The following PLCH1 variants were observed in gnomAD, a reference collection of about 807,000 sequenced individuals.
PLCH1 encodes the protein 1-phosphatidylinositol 4,5-bisphosphate phosphodiesterase eta-1.
A neutral mutation model predicts 126.7 loss-of-function variants in PLCH1; 60 were observed. The ratio of observed to expected loss-of-function variants is 0.47; its 90% CI spans 0.38 to 0.59. The LOEUF (loss-of-function observed/expected upper bound fraction) is 0.59. PLCH1 is among the 20% of genes least tolerant of loss of function. The pLI, the probability that PLCH1 is intolerant of heterozygous loss-of-function variation, is 0.00. For synonymous variants in PLCH1, 719 were observed against 734.9 expected, an observed-to-expected ratio of 0.98 and a Z score of 0.35; for missense variants, 1,723 against 2,040.0, an observed-to-expected ratio of 0.84 and a Z score of 2.99.
chr3:155,670,788 C>T (rs939841657), intron 2 of PLCH1, among the ~76,000 whole-genome samples: 8 of 152,212 alleles, frequency 5.3e-5, no homozygotes, highest in Non-Finnish European at 7.3e-5. Context: ...AGATCCAGCA[C>T]AAACTCCTCA....
intron 21 of PLCH1, among the ~76,000 whole-genome samples, chr3:155,469,899 G>A (rs1713114949): frequency 6.6e-6 from 1 of 152,062 alleles, no homozygotes; most frequent in African/African-American, 2.4e-5. Context: ...CAAACAGAAA[G>A]GACATCCACA....
At chr3:155,453,864 T>C (rs1712374269) in intron 21 of PLCH1, among the ~76,000 whole-genome samples, 1 of 151,750 alleles carries the variant, frequency 6.6e-6, no homozygotes, top group African/African-American at 2.4e-5. Flanking sequence ...TTTCTGCAAA[T>C]TAAAAATAGA....
chr3:155,568,608 T>C lies in PLCH1; in HGVS notation c.772-284A>G, dbSNP rs1370269253. Reference sequence around the variant, plus strand: ...AAAATCAGTTATCAATGTGAATCCATTGCCAAAAATACACTCACTATAAGC... The same window carrying C: ...AAAATCAGTTATCAATGTGAATCCACTGCCAAAAATACACTCACTATAAGC... On this transcript the variant is annotated intron_variant, in intron 6 of 22. Transcript: ENST00000460012. 2.0e-5 allele frequency among the ~76,000 whole-genome samples: 3 copies of C among 152,210 alleles called. No homozygotes were observed. In the East Asian group the frequency reaches 5.8e-4, roughly 29 times the overall value.
chr3:155,640,696 C>A (rs1336537989), intron 2 of PLCH1, among the ~76,000 whole-genome samples: 1 of 152,166 alleles, frequency 6.6e-6, no homozygotes, highest in African/African-American at 2.4e-5. Context: ...AAAACTCATT[C>A]TTTGTCACCA....
intron 11 of PLCH1, among the ~76,000 whole-genome samples, chr3:155,515,805 C>G (rs970030866): frequency 2.6e-5 from 4 of 152,156 alleles, no homozygotes; most frequent in African/African-American, 4.8e-5. Flanking sequence ...GACCAACCCC[C>G]CAAAGGGAGG....
At chr3:155,536,840 T>C (rs566181416) in intron 10 of PLCH1, among the ~76,000 whole-genome samples, 49 of 152,098 alleles carry the variant, frequency 3.2e-4, no homozygotes, top group African/African-American at 1.2e-3. Flanking sequence ...AGAAAATTCA[T>C]CACAAAAAGA....
At chr3:155,558,817 AGAG>A (rs2108488271) in intron 8 of PLCH1, among the ~76,000 whole-genome samples, 1 of 152,276 alleles carries the variant, frequency 6.6e-6, no homozygotes, top group East Asian at 1.9e-4. Flanking sequence ...ACCGCAGATA[AGAG>A]GAGACTACTA....
intron 2 of PLCH1, among the ~76,000 whole-genome samples, chr3:155,692,181 T>A (rs997093120): frequency 1.4e-4 from 22 of 152,188 alleles, no homozygotes; most frequent in Non-Finnish European, 2.4e-4. Context: ...AATAAATTTG[T>A]TACAAAAAAG....
At chr3:155,586,280 G>T in intron 4 of PLCH1, 86 bp from the exon 5 acceptor site, 1 of 1,368,720 alleles carries the variant, frequency 7.3e-7, no homozygotes, top group Middle Eastern at 1.8e-4. Flanking sequence ...ACATTTATCA[G>T]TAACACAGAA....
intron 10 of PLCH1, among the ~76,000 whole-genome samples, chr3:155,534,677 T>C (rs1236463673): frequency 6.6e-6 from 1 of 152,192 alleles, no homozygotes; most frequent in Admixed American, 6.5e-5. Context: ...AAATATCATC[T>C]TGAATCATAA....
intron 2 of PLCH1, among the ~76,000 whole-genome samples, chr3:155,625,678 C>T (rs1737149336): frequency 6.6e-6 from 1 of 152,150 alleles, no homozygotes; most frequent in Non-Finnish European, 1.5e-5. Flanking sequence ...CAATGGGATA[C>T]CATCTCATGC....
downstream of PLCH1, among the ~76,000 whole-genome samples, chr3:155,479,088 C>T (rs1296096720): frequency 2.0e-5 from 3 of 152,062 alleles, no homozygotes; most frequent in Non-Finnish European, 4.4e-5. Flanking sequence ...AGTGTTTACC[C>T]TAAAGGAACA....
At chr3:155,606,765 T>C (rs1259935923) in intron 2 of PLCH1, among the ~76,000 whole-genome samples, 26 of 152,162 alleles carry the variant, frequency 1.7e-4, no homozygotes, top group Admixed American at 1.7e-3. Flanking sequence ...CTTGGAAAAA[T>C]GCCTTTGCAA....
intron 1 of PLCH1, among the ~76,000 whole-genome samples, chr3:155,737,006 G>C (rs1214190091): frequency 6.6e-6 from 1 of 151,948 alleles, no homozygotes; most frequent in Non-Finnish European, 1.5e-5. Flanking sequence ...GAAGCGGCTG[G>C]ATTGCCTGAG....
At chr3:155,685,633 G>A (rs1213353284) in intron 2 of PLCH1, among the ~76,000 whole-genome samples, 1 of 152,138 alleles carries the variant, frequency 6.6e-6, no homozygotes, top group East Asian at 1.9e-4. Flanking sequence ...AACAATCCAA[G>A]CCAAGCTATT....
intron 2 of PLCH1, among the ~76,000 whole-genome samples, chr3:155,656,919 T>A (rs958780494): frequency 1.3e-5 from 2 of 151,982 alleles, no homozygotes; most frequent in African/African-American, 4.8e-5. Flanking sequence ...GATAAAAATT[T>A]TAAAAATTTA....
intron 21 of PLCH1, chr3:155,457,279 G>C (rs1449120906): frequency 6.6e-6 from 1 of 152,330 alleles, no homozygotes; most frequent in Non-Finnish European, 1.5e-5. Flanking sequence ...AGTTCTAGCA[G>C]GCTGTAAATG....
chr3:155,646,822 C>T (rs1740117072), intron 2 of PLCH1, among the ~76,000 whole-genome samples: 1 of 152,160 alleles, frequency 6.6e-6, no homozygotes, highest in African/African-American at 2.4e-5. Context: ...AAAAGATAAA[C>T]CCATAAACAT....
At chr3:155,494,580 G>A (rs1194424895) in intron 15 of PLCH1, 63 bp from the exon 16 acceptor site, 7 of 1,297,788 alleles carry the variant, frequency 5.4e-6, no homozygotes, top group African/African-American at 4.4e-5. Context: ...ACCACGCACA[G>A]AAGACTTTAT....
Sources: allele counts gnomAD v4.1 joint callset (sites outside exome capture counted in the v4.1 genomes callset), GRCh38; gene constraint gnomAD v4.1.1; transcripts MANE v1.5; gene names NCBI Gene and HGNC (gene_info 2026-07-23, HGNC 2026-07-21).